CPLX4: variants seen among roughly 807,000 people sequenced by gnomAD.
The protein encoded by CPLX4 is complexin-4.
In CPLX4, 17 loss-of-function variants were observed where a neutral mutation model predicts 16.1. The ratio of observed to expected loss-of-function variants is 1.06; its 90% CI spans 0.72 to 1.59. The LOEUF is 1.59. Among genes scored for constraint, CPLX4 ranks in the 40% most tolerant of loss-of-function variants. The pLI is 0.00. For missense variants in CPLX4, 193 were observed against 192.9 expected, an observed-to-expected ratio of 1.00 and a Z score of 0.00; for synonymous variants, 55 against 57.8, an observed-to-expected ratio of 0.95 and a Z score of 0.22.
chr18:59,311,970 G>A (rs751896432), intron 2 of CPLX4, among the ~76,000 whole-genome samples: 4 of 152,174 alleles, frequency 2.6e-5, no homozygotes, highest in Admixed American at 6.5e-5. Context: ...GCAAGCGATG[G>A]TTCCTTTTAA....
chr18:59,296,282 C>T lies in CPLX4; in HGVS notation c.*416G>A, dbSNP rs924598468. On this transcript the variant is annotated 3_prime_UTR_variant, in exon 3 of 3. Coordinates refer to ENST00000299721, the MANE Select transcript of CPLX4 (RefSeq NM_181654.4). ...TGTGGGAAACCCGGCTCCCAGTAGA[C>T]ACCTTGACTCTCCACATTTCTCTCT... 8 of 227,678 alleles carry T rather than the reference C, an allele frequency of 3.5e-5. No individual in the cohort carries two copies. Among genetic ancestry groups the T allele is most frequent in the Non-Finnish European group, 5.9e-5 (7 of 118,108 alleles). 14.1% of individuals were successfully genotyped at this position (227,678 alleles called of 1,614,324 possible). A position where few individuals can be genotyped will look rare whatever the true frequency, so the allele number is the denominator to read the frequency against.
chr18:59,310,671 A>G (rs1228660708), intron 2 of CPLX4, among the ~76,000 whole-genome samples: 2 of 152,180 alleles, frequency 1.3e-5, no homozygotes, highest in Non-Finnish European at 2.9e-5. Context: ...CAGGCGTTGT[A>G]CTAGGTCCTT....
chr18:59,297,613 T>G (rs1282107824), intron 2 of CPLX4, among the ~76,000 whole-genome samples: 1 of 152,162 alleles, frequency 6.6e-6, no homozygotes, highest in African/African-American at 2.4e-5. Context: ...TTTCTCTCTG[T>G]GATGCTGATA....
chr18:59,318,443 C>T lies in CPLX4; in HGVS notation c.20G>A (p.Ser7Asn), dbSNP rs2070665950. Residue 7 changes from serine to asparagine, a missense_variant, in exon 1 of 3, where the codon AGT (serine) becomes AAT (asparagine). Transcript: ENST00000299721. MAFLMK[S>N]MISNQVKNLG... ...ATTCTTTACCTGGTTACTTATCATA[C>T]TTTTCATAAGGAAAGCCATTTTCTC... The T allele has an allele frequency of 6.2e-7, 1 of 1,610,532 alleles. No homozygotes were observed. Among genetic ancestry groups the T allele is most frequent in the Non-Finnish European group, 8.5e-7 (1 of 1,178,856 alleles).
chr18:59,308,407 T>A (rs1603391772), intron 2 of CPLX4, among the ~76,000 whole-genome samples: 2 of 152,182 alleles, frequency 1.3e-5, no homozygotes, highest in South Asian at 4.2e-4. Flanking sequence ...CCTCTCCCGT[T>A]ATGCCATGGG....
chr18:59,316,372 C>T (rs1167171930), intron 1 of CPLX4, among the ~76,000 whole-genome samples: 2 of 152,166 alleles, frequency 1.3e-5, no homozygotes, highest in African/African-American at 4.8e-5. Flanking sequence ...CTCCCCACTT[C>T]CTACAATGAT....
At chr18:59,297,398 A>T in intron 2 of CPLX4, among the ~76,000 whole-genome samples, 1 of 151,770 alleles carries the variant, frequency 6.6e-6, no homozygotes. Flanking sequence ...TGCCTCAGTA[A>T]ATCTCAGTAG....
intron 2 of CPLX4, among the ~76,000 whole-genome samples, chr18:59,298,490 T>C (rs1297610337): frequency 1.3e-5 from 2 of 152,130 alleles, no homozygotes; most frequent in South Asian, 2.1e-4. Flanking sequence ...GCCACCTGAA[T>C]ATGTTGTGAC....
At chr18:59,313,299 C>G (rs557385845) in intron 1 of CPLX4, among the ~76,000 whole-genome samples, 2 of 152,192 alleles carry the variant, frequency 1.3e-5, no homozygotes, top group Non-Finnish European at 2.9e-5. Flanking sequence ...AAACCTGTCT[C>G]CCTTCATTGT....
chr18:59,305,902 GA>G (rs2070573863), intron 2 of CPLX4, among the ~76,000 whole-genome samples: 1 of 152,192 alleles, frequency 6.6e-6, no homozygotes, highest in Admixed American at 6.5e-5. Context: ...TCATAAAGAA[GA>G]AGCAGTACGA....
At chr18:59,306,981 C>A (rs982074780) in intron 2 of CPLX4, among the ~76,000 whole-genome samples, 3 of 152,160 alleles carry the variant, frequency 2.0e-5, no homozygotes, top group Non-Finnish European at 2.9e-5. Context: ...ATTCTGCAAA[C>A]CTGGCAGGGA....
At chr18:59,298,762 T>A (rs1280002694) in intron 2 of CPLX4, among the ~76,000 whole-genome samples, 1 of 152,088 alleles carries the variant, frequency 6.6e-6, no homozygotes, top group Non-Finnish European at 1.5e-5. Flanking sequence ...GGAAAGTGGG[T>A]TGGAAGGACG....
intron 2 of CPLX4, among the ~76,000 whole-genome samples, chr18:59,304,969 A>C (rs1472262048): frequency 7.8e-6 from 1 of 127,764 alleles, no homozygotes; most frequent in South Asian, 2.6e-4. Flanking sequence ...GTGTGTGTGC[A>C]ATTTTCTATA....
intron 2 of CPLX4, among the ~76,000 whole-genome samples, chr18:59,306,759 G>A (rs910068749): frequency 2.6e-5 from 4 of 152,290 alleles, no homozygotes; most frequent in South Asian, 2.1e-4. Context: ...GCTCCCCGTC[G>A]GGCCTTGGTC....
At position 59,296,922 on chromosome 18, in the gene CPLX4, C is replaced by A; in HGVS notation, c.259G>T (p.Glu87Ter). ...LREKYRLPKS[E>*]MDENQIQMAG... ...ATCTGGATTTGATTCTCATCCATTT[C>A]ACTCTATGTGAAAAATAAATAGAGA... Residue 87 changes from glutamate (E) to a stop codon, truncating the protein, a stop_gained, in exon 3 of 3, where the codon GAA (glutamate) becomes TAA (stop). Transcript: ENST00000299721. LOFTEE classifies it high-confidence loss of function. The A allele has an allele frequency of 6.2e-7, 1 of 1,605,618 alleles. No homozygotes were observed. Among genetic ancestry groups the A allele is most frequent in the Non-Finnish European group, 8.5e-7 (1 of 1,178,382 alleles).
At chr18:59,299,925 C>T (rs923071563) in intron 2 of CPLX4, among the ~76,000 whole-genome samples, 4 of 152,232 alleles carry the variant, frequency 2.6e-5, no homozygotes, top group Admixed American at 1.3e-4. Context: ...CTGGGGCTTG[C>T]TGAAGTTTGA....
At chr18:59,308,956 C>T (rs2070597372) in intron 2 of CPLX4, among the ~76,000 whole-genome samples, 1 of 152,200 alleles carries the variant, frequency 6.6e-6, no homozygotes, top group African/African-American at 2.4e-5. Context: ...TTTGCAAGCG[C>T]AAAGTGTTGC....
intron 2 of CPLX4, among the ~76,000 whole-genome samples, chr18:59,306,004 C>T (rs571110704): frequency 6.6e-6 from 1 of 152,204 alleles, no homozygotes; most frequent in Admixed American, 6.5e-5. Context: ...AACAAAGAGG[C>T]CCCAAGAGAA....
Position 59,318,516 on chromosome 18 carries a change from A to T in CPLX4, c.-54T>A. 2 of 1,557,438 alleles carry T rather than the reference A, an allele frequency of 1.3e-6. No individual in the cohort carries two copies. The highest frequency in any genetic ancestry group is 4.5e-5 in the East Asian group (2 of 44,206). On this transcript the variant is annotated 5_prime_UTR_variant, in exon 1 of 3. Coordinates refer to ENST00000299721, the MANE Select transcript of CPLX4 (RefSeq NM_181654.4). ...AATTCAGACAAAAGCTGAAAAAAAA[A>T]ATCCAAACAAACCCAAGAGAAAACC...
Sources: allele counts gnomAD v4.1 joint callset (sites outside exome capture counted in the v4.1 genomes callset), GRCh38; gene constraint gnomAD v4.1.1; transcripts MANE v1.5; gene names NCBI Gene and HGNC (gene_info 2026-07-23, HGNC 2026-07-21).